The following ZBTB7C variants were observed in gnomAD, a reference collection of about 807,000 sequenced individuals.
ZBTB7C encodes zinc finger and BTB domain-containing protein 7C.
In ZBTB7C, 8 loss-of-function variants were observed where a neutral mutation model predicts 25.7. The ratio of observed to expected loss-of-function variants is 0.31; its 90% CI spans 0.18 to 0.56. The LOEUF is 0.56. Among genes scored for constraint, ZBTB7C ranks in the 20% least tolerant of loss-of-function variants. The pLI, the probability that ZBTB7C is intolerant of heterozygous loss-of-function variation, is 0.91. For synonymous variants in ZBTB7C, 394 were observed against 369.0 expected (o/e 1.07, Z -0.78); for missense variants, 824 against 855.2 (o/e 0.96, Z 0.46).
At chr18:48,103,811 T>C (rs567956353) in intron 3 of ZBTB7C, among the ~76,000 whole-genome samples, 1 of 152,320 alleles carries the variant, frequency 6.6e-6, no homozygotes, top group African/African-American at 2.4e-5. Flanking sequence ...GAAATCATTA[T>C]GCTAAGTGAA....
At chr18:48,090,094 C>T (rs2038354970) in intron 3 of ZBTB7C, among the ~76,000 whole-genome samples, 1 of 152,238 alleles carries the variant, frequency 6.6e-6, no homozygotes, top group African/African-American at 2.4e-5. Flanking sequence ...AAGGTGGGAC[C>T]CATCGCGGGA....
intron 3 of ZBTB7C, among the ~76,000 whole-genome samples, chr18:48,071,070 T>C (rs1031554935): frequency 7.2e-5 from 11 of 152,236 alleles, no homozygotes; most frequent in South Asian, 2.1e-4. Context: ...GCCTAGTACA[T>C]AGTAGGAACT....
At chr18:48,141,794 G>A (rs2144836317) in intron 3 of ZBTB7C, among the ~76,000 whole-genome samples, 1 of 152,300 alleles carries the variant, frequency 6.6e-6, no homozygotes, top group South Asian at 2.1e-4. Flanking sequence ...AGGGAGGAGG[G>A]ACATGCCAAG....
chr18:48,190,656 T>G lies in ZBTB7C; in HGVS notation c.-78-4661A>C, dbSNP rs182787900. Among the ~76,000 whole-genome samples, 13 of 152,272 alleles carry G rather than the reference T, an allele frequency of 8.5e-5. No homozygotes were observed. The East Asian group carries it at 2.5e-3, about 29-fold the overall frequency. ...ACTAGACAGGATGGTTTGGGGACAG[T>G]GGGATTTTATGCCTAGAATGAAACA... On this transcript the variant is annotated intron_variant, in intron 2 of 4. Transcript: ENST00000590800.
chr18:48,219,440 T>C (rs1215312554), intron 2 of ZBTB7C, among the ~76,000 whole-genome samples: 1 of 152,192 alleles, frequency 6.6e-6, no homozygotes, highest in Non-Finnish European at 1.5e-5. Flanking sequence ...CCCTACTGTA[T>C]CCCAATGAGG....
chr18:48,106,158 A>C (rs2039019071), intron 3 of ZBTB7C, among the ~76,000 whole-genome samples: 1 of 152,194 alleles, frequency 6.6e-6, no homozygotes, highest in Non-Finnish European at 1.5e-5. Flanking sequence ...CCCGCACCAC[A>C]CGGGGAGGGA....
At chr18:48,031,377 C>T (rs1270266277) in intron 4 of ZBTB7C, among the ~76,000 whole-genome samples, 2 of 152,074 alleles carry the variant, frequency 1.3e-5, no homozygotes, top group Non-Finnish European at 2.9e-5. Context: ...GTGGGGTCAC[C>T]CTCTTCCCCT....
At chr18:48,245,883 T>G (rs988719235) in intron 2 of ZBTB7C, among the ~76,000 whole-genome samples, 1 of 152,184 alleles carries the variant, frequency 6.6e-6, no homozygotes, top group Non-Finnish European at 1.5e-5. Flanking sequence ...AATTAAAGAA[T>G]GTTGGGGATG....
intron 2 of ZBTB7C, among the ~76,000 whole-genome samples, chr18:48,246,819 C>T (rs2043709321): frequency 6.6e-6 from 1 of 152,142 alleles, no homozygotes; most frequent in Non-Finnish European, 1.5e-5. Context: ...ACAACCACCA[C>T]ATGCACACAC....
At chr18:48,245,092 G>GTGTATATATATATATATATA (rs1555723392) in intron 2 of ZBTB7C, among the ~76,000 whole-genome samples, 64 of 126,262 alleles carry the variant, frequency 5.1e-4, no homozygotes, top group Non-Finnish European at 7.8e-4. Flanking sequence ...GTGTGTGTGT[G>GTGTATATATATATATATATA]TATATATATA....
chr18:48,067,646 T>A (rs1372942178), intron 3 of ZBTB7C, among the ~76,000 whole-genome samples: 4 of 152,198 alleles, frequency 2.6e-5, no homozygotes, highest in Non-Finnish European at 5.9e-5. Flanking sequence ...GTCTCCAGTC[T>A]GCTAGCCTGG....
intron 3 of ZBTB7C, among the ~76,000 whole-genome samples, chr18:48,158,249 G>A (rs972668842): frequency 1.3e-5 from 2 of 152,310 alleles, no homozygotes; most frequent in South Asian, 2.1e-4. Flanking sequence ...TATCAGGAAC[G>A]ACAGGTGATT....
intron 3 of ZBTB7C, among the ~76,000 whole-genome samples, chr18:48,086,842 A>C (rs1313897883): frequency 1.3e-5 from 2 of 152,188 alleles, no homozygotes; most frequent in Non-Finnish European, 2.9e-5. Flanking sequence ...TTTAAATTTA[A>C]TACAATTTAT....
upstream of ZBTB7C, chr18:48,410,687 A>C (rs2048375792): frequency 6.6e-6 from 1 of 152,344 alleles, no homozygotes; most frequent in South Asian, 2.1e-4. Context: ...ACCTTTTTGC[A>C]GTCCACCCCT....
intron 3 of ZBTB7C, among the ~76,000 whole-genome samples, chr18:48,129,760 C>T (rs1401995234): frequency 2.0e-5 from 3 of 152,182 alleles, no homozygotes; most frequent in Non-Finnish European, 4.4e-5. Context: ...CCCTTGGTCC[C>T]TCCTCCACCC....
intron 1 of ZBTB7C, among the ~76,000 whole-genome samples, chr18:48,365,935 G>A (rs1300772537): frequency 6.6e-6 from 1 of 152,200 alleles, no homozygotes; most frequent in Admixed American, 6.5e-5. Context: ...TGGAGGGGCA[G>A]TCAGAGGGGC....
At chr18:48,232,169 C>T (rs1343494912) in intron 2 of ZBTB7C, among the ~76,000 whole-genome samples, 2 of 152,192 alleles carry the variant, frequency 1.3e-5, no homozygotes, top group Non-Finnish European at 2.9e-5. Flanking sequence ...CAGAGGTTTC[C>T]AGCCAGAAAA....
At chr18:48,172,857 G>A (rs761407821) in intron 3 of ZBTB7C, among the ~76,000 whole-genome samples, 71 of 152,198 alleles carry the variant, frequency 4.7e-4, no homozygotes, top group Admixed American at 3.3e-4. Context: ...GACACAGACT[G>A]TCGGGAAGGC....
chr18:48,239,087 G>A (rs1303830608), intron 2 of ZBTB7C, among the ~76,000 whole-genome samples: 1 of 152,152 alleles, frequency 6.6e-6, no homozygotes, highest in African/African-American at 2.4e-5. Flanking sequence ...TAGTAGCAGA[G>A]ACAGCCATAA....
Sources: gnomAD v4.1 joint callset for allele counts (sites outside exome capture counted in the v4.1 genomes callset) on GRCh38, gnomAD v4.1.1 for gene constraint, MANE v1.5 for transcripts, NCBI Gene and HGNC (gene_info 2026-07-23, HGNC 2026-07-21) for gene names.